The following PPL variants were observed in gnomAD, a reference collection of about 807,000 sequenced individuals.
The protein encoded by PPL is 190 kDa paraneoplastic pemphigus antigen.
Under a neutral mutation model 194.4 loss-of-function variants are expected in PPL, and 198 were observed. That is an observed-to-expected ratio of 1.02 (90% CI 0.91 to 1.15). PPL has a LOEUF of 1.15. Among genes scored for constraint, PPL ranks in the 50% most tolerant of loss-of-function variants. The pLI is 0.00. For synonymous variants in PPL, 1,220 were observed against 972.4 expected, an observed-to-expected ratio of 1.25 and a Z score of -4.74; for missense variants, 2,885 against 2,294.8, an observed-to-expected ratio of 1.26 and a Z score of -5.25.
At chr16:4,887,517 A>G (rs2088238255) in intron 20 of PPL, among the ~76,000 whole-genome samples, 1 of 152,182 alleles carries the variant, frequency 6.6e-6, no homozygotes, top group Admixed American at 6.5e-5. Context: ...GACTAATATC[A>G]GCCCTCCACT....
At chr16:4,891,290 G>A (rs556901384) in intron 16 of PPL, among the ~76,000 whole-genome samples, 29 of 152,238 alleles carry the variant, frequency 1.9e-4, no homozygotes, top group African/African-American at 6.5e-4. Flanking sequence ...GGCAGTGTGG[G>A]AAGGGGGCCC....
chr16:4,903,872 C>T lies in PPL; in HGVS notation c.317+14G>A, dbSNP rs1320547228. On this transcript the variant is annotated intron_variant, in intron 3 of 21. Transcript: ENST00000345988. ...CCAATGGCTCCCCTGGGGTAAGAAG[C>T]AGAAGGGACCTACTCCTCGGCGATC... The T allele has an allele frequency of 1.2e-6, 2 of 1,613,354 alleles. No homozygotes were observed. Among genetic ancestry groups the T allele is most frequent in the Non-Finnish European group, 1.7e-6 (2 of 1,179,868 alleles).
chr16:4,897,638 C>T, intron 9 of PPL, 37 bp downstream of exon 9: 1 of 1,550,446 alleles, frequency 6.4e-7, no homozygotes, highest in Non-Finnish European at 8.9e-7. Context: ...AGAGTAGCAC[C>T]CCCGGTGCTG....
At position 4,902,532 on chromosome 16, in the gene PPL, G is replaced by A. The variant is rs2088596411; in HGVS notation, c.318-6C>T. On this transcript the variant is annotated splice_region_variant and splice_polypyrimidine_tract_variant and intron_variant, in intron 3 of 21. Coordinates refer to ENST00000345988, the MANE Select transcript of PPL (RefSeq NM_002705.5). This position sits in a 1 kb window ranked among gnomAD's most constrained non-coding sequence, Gnocchi z 4.0. ...GCTCCTTCAGCTGGCGGATACTGAT[G>A]GGAGAGAGGCTCCCACTTAGTGGGG... 1.2e-6 allele frequency: 2 copies of A among 1,612,692 alleles called. No individual in the cohort carries two copies. Among genetic ancestry groups the A allele is most frequent in the Non-Finnish European group, 1.7e-6 (2 of 1,179,384 alleles).
rs897340514 is a variant in PPL at position 4,883,655 on chromosome 16, C to T, written c.5000G>A (p.Arg1667His). The stretch of plus-strand genomic sequence containing the variant: ...GTGGGCTTCCTCCGGGGACAGCTCG[C>T]GGCCTGTGTCAGGGTGGATGACTAC... ...SIVVIHPDTG[R>H]ELSPEEAHRA... Residue 1667 changes from arginine (R) to histidine (H), a missense_variant, in exon 22 of 22, where the codon CGC becomes CAC. Physicochemically the swap from Arg to His is conservative, Grantham distance 29 (BLOSUM62 0). Transcript: ENST00000345988. The surrounding 1 kb of genome is among the most constrained non-coding windows in gnomAD (Gnocchi z 4.8). 30 of 1,614,082 alleles carry T rather than the reference C, an allele frequency of 1.9e-5. No homozygotes were observed. The highest frequency in any genetic ancestry group is 5.3e-5 in the African/African-American group (4 of 74,936).
At chr16:4,900,130 C>T (rs1490977670) in intron 6 of PPL, among the ~76,000 whole-genome samples, 1 of 152,186 alleles carries the variant, frequency 6.6e-6, no homozygotes, top group South Asian at 2.1e-4. Flanking sequence ...AATGCTGCCT[C>T]TGTATTCTCT....
rs1227498884 is a variant in PPL, at chr16:4,882,823, T to C, written c.*561A>G. The C allele has an allele frequency of 6.3e-6, 1 of 157,756 alleles. No individual in the cohort carries two copies. Among genetic ancestry groups the C allele is most frequent in the Non-Finnish European group, 1.4e-5 (1 of 72,130 alleles). The allele number at this position is 157,756 out of a possible 1,614,324, so 9.8% of individuals were successfully genotyped here. A position where few individuals can be genotyped will look rare whatever the true frequency, so the allele number is the denominator to read the frequency against. On this transcript the variant is annotated 3_prime_UTR_variant, in exon 22 of 22. Transcript: ENST00000345988. ...CACTCCAGCACCGAGGGCTGGACACTTGTGGTTTCTGTTCACCTTTCCTGG... is the reference window on the plus strand; with the variant it reads ...CACTCCAGCACCGAGGGCTGGACACCTGTGGTTTCTGTTCACCTTTCCTGG...
chr16:4,906,141 G>C (rs944379605), intron 2 of PPL, among the ~76,000 whole-genome samples: 2 of 152,106 alleles, frequency 1.3e-5, no homozygotes, highest in Non-Finnish European at 2.9e-5. Context: ...ATGGAACCAG[G>C]CATCCCCCAA....
chr16:4,886,443 G>C (rs1413599428), intron 21 of PPL, among the ~76,000 whole-genome samples: 1 of 152,178 alleles, frequency 6.6e-6, no homozygotes, highest in Non-Finnish European at 1.5e-5. Context: ...GCTCATTCCA[G>C]CTCAGCACAG....
At chr16:4,907,830 C>G (rs192626681) in intron 2 of PPL, among the ~76,000 whole-genome samples, 8 of 152,014 alleles carry the variant, frequency 5.3e-5, no homozygotes, top group Admixed American at 5.2e-4. Flanking sequence ...TCTTCAAAGC[C>G]TAGCTTCTTT....
At chr16:4,931,844 G>A (rs2089229525) in intron 1 of PPL, among the ~76,000 whole-genome samples, 1 of 152,240 alleles carries the variant, frequency 6.6e-6, no homozygotes, top group African/African-American at 2.4e-5. Flanking sequence ...TGCCTGAAAT[G>A]CTACCATTAG....
intron 1 of PPL, among the ~76,000 whole-genome samples, chr16:4,912,258 T>C (rs11640469): frequency 0.57 from 86,207 of 152,190 alleles, 26,675 homozygotes; most frequent in Non-Finnish European, 0.68. Context: ...TTTTTCTCTC[T>C]ATGGATTTGC....
chr16:4,897,962 C>A (rs2088467091), intron 8 of PPL, among the ~76,000 whole-genome samples, 192 bp from the exon 9 acceptor site: 1 of 152,146 alleles, frequency 6.6e-6, no homozygotes, highest in African/African-American at 2.4e-5. Context: ...GTCAAGGAGC[C>A]AAACAGGGAT....
rs2088194420 is a variant in PPL, at chr16:4,885,264, T to C, written c.3391A>G (p.Ser1131Gly). The C allele has an allele frequency of 6.2e-6, 10 of 1,612,636 alleles. No homozygotes were observed. The East Asian group carries it at 2.0e-4, about 32-fold the overall frequency. Residue 1131 changes from serine (S) to glycine (G), a missense_variant, in exon 22 of 22, where the codon AGC (serine) becomes GGC (glycine). Ser to Gly is a moderately conservative substitution (Grantham distance 56). Transcript: ENST00000345988. The surrounding 1 kb of genome is among the most constrained non-coding windows in gnomAD (Gnocchi z 6.3). ...EKDAATEREV[S>G]DLTRQYEDEA... ...TCCTCATATTGGCGGGTGAGATCGCTGACCTCCCTCTCGGTGGCCGCGTCC... is the reference window on the plus strand; with the variant it reads ...TCCTCATATTGGCGGGTGAGATCGCCGACCTCCCTCTCGGTGGCCGCGTCC...
rs1391174286 is a variant in PPL at position 4,916,120 on chromosome 16, C to G, written c.63-5171G>C. On this transcript the variant is annotated intron_variant, in intron 1 of 21. Coordinates refer to ENST00000345988, the MANE Select transcript of PPL (RefSeq NM_002705.5). The stretch of plus-strand genomic sequence containing the variant: ...GCTAGTGGGGATGCAAAATGGTGTA[C>G]AGTTGTGGAAAACAGTCTAGAAATT... Among the ~76,000 whole-genome samples, 9 of 152,188 alleles carry G rather than the reference C, an allele frequency of 5.9e-5. No individual in the cohort carries two copies. The East Asian group carries it at 1.5e-3, about 26-fold the overall frequency.
chr16:4,903,056 T>C (rs1255512793), intron 3 of PPL, among the ~76,000 whole-genome samples: 2 of 152,166 alleles, frequency 1.3e-5, no homozygotes, highest in Admixed American at 6.5e-5. Context: ...GCCAGAATGA[T>C]AGAAAGTTCT....
At position 4,885,964 on chromosome 16, in the gene PPL, C is replaced by T. The variant is rs767754369; in HGVS notation, c.2691G>A (p.Lys897=). The T allele has an allele frequency of 6.2e-6, 10 of 1,613,674 alleles. No individual in the cohort carries two copies. In the East Asian group the frequency reaches 1.3e-4, roughly 22 times the overall value. ...SGVEEAWKIR[K]ELDEETERRR... is the part of the protein sequence containing the mutation. Reference sequence around the variant, plus strand: ...TCCGCTCAGTCTCCTCATCCAGTTCCTTCCTGATCTTCCACGCCTCCTCCA... The same window carrying T: ...TCCGCTCAGTCTCCTCATCCAGTTCTTTCCTGATCTTCCACGCCTCCTCCA... The change falls in exon 22 of 22, where the codon AAG becomes AAA. Residue 897 remains lysine, a synonymous_variant. Transcript: ENST00000345988. This position sits in a 1 kb window ranked among gnomAD's most constrained non-coding sequence, Gnocchi z 6.3.
intron 1 of PPL, among the ~76,000 whole-genome samples, chr16:4,922,170 T>A (rs1489639480): frequency 6.6e-6 from 1 of 152,164 alleles, no homozygotes; most frequent in South Asian, 2.1e-4. Flanking sequence ...CTGCTCTTAA[T>A]AAACTGTAAA....
At chr16:4,911,400 G>C (rs2088817778) in intron 1 of PPL, among the ~76,000 whole-genome samples, 1 of 151,728 alleles carries the variant, frequency 6.6e-6, no homozygotes. Flanking sequence ...GACCTCAAGT[G>C]ATCCACCTAT....
Sources: gnomAD v4.1 joint callset for allele counts (sites outside exome capture counted in the v4.1 genomes callset) on GRCh38, gnomAD v4.1.1 for gene constraint, Gnocchi (gnomAD v3.1) non-coding constraint, MANE v1.5 for transcripts, NCBI Gene and HGNC (gene_info 2026-07-23, HGNC 2026-07-21) for gene names.